Variants in PRAG1 observed in about 807,000 individuals in gnomAD.
PRAG1 encodes inactive tyrosine-protein kinase PRAG1.
Under a neutral mutation model 95.6 loss-of-function variants are expected in PRAG1, and 110 were observed. The ratio of observed to expected loss-of-function variants is 1.15; its 90% CI spans 0.99 to 1.35. PRAG1 has a LOEUF of 1.35. PRAG1 is among the 40% of genes most tolerant of loss of function. The pLI, the probability that PRAG1 is intolerant of heterozygous loss-of-function variation, is 0.00. For synonymous variants in PRAG1, 1,052 were observed against 819.4 expected, an observed-to-expected ratio of 1.28 and a Z score of -4.85; for missense variants, 2,554 against 1,864.7, an observed-to-expected ratio of 1.37 and a Z score of -6.81.
In PRAG1 at chr8:8,318,908, C is replaced by T. The variant is rs752634461; in HGVS notation, c.3467G>A (p.Cys1156Tyr). 380 of 1,603,384 alleles carry T rather than the reference C, an allele frequency of 2.4e-4. 1 individual carries two copies. The East Asian group carries it at 7.4e-3, about 31-fold the overall frequency. ...LCLENLLLVHCTLQAGPGPAP... is the reference protein window; with the variant it reads ...LCLENLLLVHYTLQAGPGPAP... ...GGGCCCGGGGCCGGCCTGGAGGGTGCAGTGCACCAGCAGCAGGTTCTCCAG... is the reference window on the plus strand; with the variant it reads ...GGGCCCGGGGCCGGCCTGGAGGGTGTAGTGCACCAGCAGCAGGTTCTCCAG... Residue 1156 changes from cysteine to tyrosine, a missense_variant, in exon 6 of 6, where the codon TGC (cysteine) becomes TAC (tyrosine). Physicochemically the swap from Cys to Tyr is radical, Grantham distance 194 (BLOSUM62 -2). Transcript: ENST00000615670. The surrounding 1 kb of genome is among the most constrained non-coding windows in gnomAD (Gnocchi z 4.2).
At position 8,377,023 on chromosome 8, in the gene PRAG1, G is replaced by A. The variant is rs1418280129; in HGVS notation, c.1386C>T (p.Asp462=). ...AQKAASGWGR[D]SPDPTPQVSA... The stretch of plus-strand genomic sequence containing the variant: ...ACACCTGGGGAGTTGGGTCTGGGCT[G>A]TCCCGGCCCCAGCCAGATGCTGCTT... Residue 462 remains aspartate (D), a synonymous_variant, in exon 3 of 6, where the codon GAC becomes GAT. Transcript: ENST00000615670. The A allele has an allele frequency of 4.3e-6, 7 of 1,613,832 alleles. No individual in the cohort carries two copies. The South Asian group carries it at 4.4e-5, about 10-fold the overall frequency.
In PRAG1 at chr8:8,318,294, G is replaced by C. The variant is rs1317628123; in HGVS notation, c.4081C>G (p.Leu1361Val). 12 of 1,614,066 alleles carry C rather than the reference G, an allele frequency of 7.4e-6. No homozygotes were observed. Among genetic ancestry groups the C allele is most frequent in the Non-Finnish European group, 7.6e-6 (9 of 1,180,014 alleles). Residue 1361 changes from leucine to valine, a missense_variant, in exon 6 of 6, where the codon CTG becomes GTG. By Grantham distance (32) the Leu-to-Val change is conservative. Transcript: ENST00000615670. This position sits in a 1 kb window ranked among gnomAD's most constrained non-coding sequence, Gnocchi z 4.2. The stretch of plus-strand genomic sequence containing the variant: ...TTCTCCGCAAACTTCATCATCATCA[G>C]GGCCCGCTTCATGTCGATCCAGTTG... Reference protein sequence around the residue: ...LHNWIDMKRALMMMKFAEKAV... With the variant: ...LHNWIDMKRAVMMMKFAEKAV...
Position 8,381,537 on chromosome 8 carries a change from C to G in PRAG1, c.211G>C (p.Asp71His), listed in dbSNP as rs199737449. 6.3e-5 allele frequency: 102 copies of G among 1,614,242 alleles called. No individual in the cohort carries two copies. The East Asian group carries it at 2.3e-3, about 36-fold the overall frequency. Residue 71 changes from aspartate to histidine, a missense_variant, in exon 2 of 6, where the codon GAT becomes CAT. Transcript: ENST00000615670. ...PPRPENCRLE[D>H]EGVNSSPYSK... ...TAAGGTGAGCTGTTCACACCTTCAT[C>G]TTCCAGGCGGCAGTTCTCAGGCCTG...
chr8:8,374,516 C>G (rs1800315283), intron 3 of PRAG1: 1 of 366,256 alleles, frequency 2.7e-6, no homozygotes, highest in African/African-American at 2.2e-5. Flanking sequence ...TCTATCTCTG[C>G]TTTGTCATCT....
intron 4 of PRAG1, among the ~76,000 whole-genome samples, chr8:8,330,217 T>C (rs1247693382): frequency 1.3e-5 from 2 of 151,982 alleles, no homozygotes; most frequent in East Asian, 3.9e-4. Context: ...GATACAAAAA[T>C]TAGCTGGGCG....
chr8:8,326,533 G>T (rs1798642818), intron 5 of PRAG1, among the ~76,000 whole-genome samples: 1 of 152,148 alleles, frequency 6.6e-6, no homozygotes, highest in Non-Finnish European at 1.5e-5. Flanking sequence ...ATGACAAATA[G>T]GGCCACAGGA....
At chr8:8,336,887 A>ACCCCCCCCCCCCCC (rs1563233193) in intron 4 of PRAG1, among the ~76,000 whole-genome samples, 1 of 61,804 alleles carries the variant, frequency 1.6e-5, no homozygotes. Flanking sequence ...CCTTCCCCCC[A>ACCCCCCCCCCCCCC]CTCCCCTCCC....
At chr8:8,321,107 TTA>T (rs1798457667) in intron 5 of PRAG1, among the ~76,000 whole-genome samples, 1 of 152,258 alleles carries the variant, frequency 6.6e-6, no homozygotes, top group Admixed American at 6.5e-5. Context: ...TACTCGGTTT[TTA>T]TTTTTTACTT....
intron 3 of PRAG1, among the ~76,000 whole-genome samples, chr8:8,340,358 T>C (rs186559433): frequency 2.0e-5 from 3 of 152,300 alleles, no homozygotes; most frequent in Non-Finnish European, 2.9e-5. Context: ...ACAGTTCTAT[T>C]ATTAGGTTGG....
rs777759386 is a variant in PRAG1 at position 8,328,275 on chromosome 8, C to T, written c.2507G>A (p.Gly836Asp). ...SSPDGFFWTQ[G>D]SPKPGTASPK... ...GCTTGCTGTTCCGGGCTTGGGGGAG[C>T]CTTGGGTCCAGAAGAAGCCATCCGG... Residue 836 changes from glycine (G) to aspartate (D), a missense_variant, in exon 5 of 6, where the codon GGC becomes GAC. Physicochemically the swap from Gly to Asp is moderately conservative, Grantham distance 94. Coordinates refer to ENST00000615670, the MANE Select transcript of PRAG1 (RefSeq NM_001080826.3). 6.2e-7 allele frequency: 1 copy of T among 1,614,020 alleles called. No individual in the cohort carries two copies. Among genetic ancestry groups the T allele is most frequent in the East Asian group, 2.2e-5 (1 of 44,874 alleles).
At chr8:8,381,971 C>A in intron 1 of PRAG1, 137 bp from the exon 2 acceptor site, 1 of 478,812 alleles carries the variant, frequency 2.1e-6, no homozygotes. Flanking sequence ...TATTTTGGGA[C>A]CCTCGCCCAT....
intron 5 of PRAG1, among the ~76,000 whole-genome samples, chr8:8,322,133 C>G (rs4840923): frequency 0.25 from 37,847 of 152,154 alleles, 5,673 homozygotes; most frequent in East Asian, 0.56. Flanking sequence ...GACAGCACTT[C>G]AGCCCTATGC....
chr8:8,383,601 A>C (rs1406779694), intron 1 of PRAG1, among the ~76,000 whole-genome samples: 2 of 152,124 alleles, frequency 1.3e-5, no homozygotes, highest in Non-Finnish European at 2.9e-5. Context: ...AAAAAAAGTT[A>C]AGAATAAAGC....
chr8:8,372,626 A>G (rs1800247144), intron 3 of PRAG1, among the ~76,000 whole-genome samples: 1 of 152,218 alleles, frequency 6.6e-6, no homozygotes. Context: ...TGGGCATAAA[A>G]TGAGCATGGA....
At chr8:8,355,972 A>G (rs1178223590) in intron 3 of PRAG1, among the ~76,000 whole-genome samples, 1 of 152,252 alleles carries the variant, frequency 6.6e-6, no homozygotes, top group Non-Finnish European at 1.5e-5. Flanking sequence ...GAAACAATCA[A>G]CAAAATGAAA....
intron 3 of PRAG1, chr8:8,374,798 C>A (rs1173970117): frequency 1.2e-5 from 7 of 588,346 alleles, no homozygotes; most frequent in Non-Finnish European, 1.5e-5. Flanking sequence ...AAAAAACCCA[C>A]GTTAGATCAC....
At chr8:8,364,305 T>G (rs919129855) in intron 3 of PRAG1, among the ~76,000 whole-genome samples, 2 of 152,242 alleles carry the variant, frequency 1.3e-5, no homozygotes, top group African/African-American at 4.8e-5. Flanking sequence ...GCCCTGCATT[T>G]AGCTTTTCCC....
At chr8:8,321,784 T>C (rs1284636341) in intron 5 of PRAG1, among the ~76,000 whole-genome samples, 1 of 152,192 alleles carries the variant, frequency 6.6e-6, no homozygotes, top group African/African-American at 2.4e-5. Flanking sequence ...CTCTGTAACC[T>C]TTGTCAAGTT....
intron 3 of PRAG1, among the ~76,000 whole-genome samples, chr8:8,360,026 G>C (rs992778905): frequency 2.6e-5 from 4 of 152,060 alleles, no homozygotes; most frequent in African/African-American, 9.7e-5. Context: ...TAAATCAGCT[G>C]GAGGAAAACC....
Sources: gnomAD v4.1 joint callset for allele counts (sites outside exome capture counted in the v4.1 genomes callset) on GRCh38, gnomAD v4.1.1 for gene constraint, Gnocchi (gnomAD v3.1) non-coding constraint, MANE v1.5 for transcripts, NCBI Gene and HGNC (gene_info 2026-07-23, HGNC 2026-07-21) for gene names.